FARS2: variants seen among roughly 807,000 people sequenced by gnomAD.
The protein encoded by FARS2 is phenylalanine--tRNA ligase, mitochondrial.
In FARS2, 40 loss-of-function variants were observed where a neutral mutation model predicts 46.4. The observed-to-expected ratio is 0.86, with a 90% CI of 0.67 to 1.12. The LOEUF is 1.12. FARS2 is among the 50% of genes most tolerant of loss of function. The probability of loss-of-function intolerance (pLI) is 0.00; values close to 1 mark genes in which losing one functional copy is unlikely to be tolerated. For missense variants in FARS2, 513 were observed against 567.9 expected (o/e 0.90, Z 0.98); for synonymous variants, 234 against 214.9 (o/e 1.09, Z -0.78).
chr6:5,581,958 T>C (rs563250786), intron 5 of FARS2, among the ~76,000 whole-genome samples: 7 of 126,374 alleles, frequency 5.5e-5, no homozygotes, highest in Non-Finnish European at 8.5e-5. Flanking sequence ...ATTCCTGATG[T>C]GCTTTTATAA....
intron 4 of FARS2, among the ~76,000 whole-genome samples, chr6:5,533,795 T>TA (rs1474873338): frequency 1.3e-5 from 2 of 152,210 alleles, no homozygotes; most frequent in African/African-American, 2.4e-5. Flanking sequence ...GGAAGACCGT[T>TA]ACCCCGGACA....
At chr6:5,405,014 T>C (rs1221238746) in intron 3 of FARS2, among the ~76,000 whole-genome samples, 1 of 151,914 alleles carries the variant, frequency 6.6e-6, no homozygotes. Context: ...GGCCAAGCTA[T>C]TCTCAAACCC....
chr6:5,550,295 G>T (rs1771295098), intron 5 of FARS2, among the ~76,000 whole-genome samples: 1 of 151,960 alleles, frequency 6.6e-6, no homozygotes, highest in Non-Finnish European at 1.5e-5. Context: ...ATTTATTTAT[G>T]AGGCCAGGTC....
At chr6:5,747,322 A>G (rs1761702233) in intron 6 of FARS2, among the ~76,000 whole-genome samples, 1 of 152,216 alleles carries the variant, frequency 6.6e-6, no homozygotes, top group Admixed American at 6.5e-5. Flanking sequence ...TAGCAGCATT[A>G]CTTTGGCTGC....
chr6:5,253,885 C>T, the FARS2 span, among the ~76,000 whole-genome samples: 1 of 150,460 alleles, frequency 6.6e-6, no homozygotes, highest in African/African-American at 2.4e-5. Context: ...TTATTCCATG[C>T]AACAATGAAC....
chr6:5,271,501 TTTTA>T (rs1256446323), intron 1 of FARS2, among the ~76,000 whole-genome samples: 1 of 152,144 alleles, frequency 6.6e-6, no homozygotes, highest in African/African-American at 2.4e-5. Flanking sequence ...AGTTATATTT[TTTTA>T]TTTGATTAAT....
At chr6:5,533,392 G>T (rs1769986165) in intron 4 of FARS2, among the ~76,000 whole-genome samples, 1 of 152,186 alleles carries the variant, frequency 6.6e-6, no homozygotes, top group African/African-American at 2.4e-5. Context: ...CTTAAAGTAT[G>T]AAATTCTTCG....
intron 6 of FARS2, among the ~76,000 whole-genome samples, chr6:5,619,051 G>A (rs1775627306): frequency 6.6e-6 from 1 of 152,184 alleles, no homozygotes; most frequent in South Asian, 2.1e-4. Flanking sequence ...CAGTTGCTCA[G>A]AATATTTCTT....
chr6:5,485,396 C>T (rs1226467630), intron 4 of FARS2, among the ~76,000 whole-genome samples: 1 of 152,026 alleles, frequency 6.6e-6, no homozygotes, highest in Non-Finnish European at 1.5e-5. Context: ...TTCTCTTAGG[C>T]TTGCTTGATC....
intron 6 of FARS2, among the ~76,000 whole-genome samples, chr6:5,710,896 C>G (rs1398274979): frequency 6.6e-6 from 1 of 152,158 alleles, no homozygotes; most frequent in Non-Finnish European, 1.5e-5. Context: ...GGAGGATGAA[C>G]TTTGGGTATG....
intron 6 of FARS2, among the ~76,000 whole-genome samples, chr6:5,732,647 C>T (rs949088946): frequency 7.2e-5 from 11 of 152,168 alleles, no homozygotes; most frequent in Admixed American, 2.6e-4. Context: ...AGGGGCGGAG[C>T]CCGGGAGCAA....
chr6:5,730,149 T>C (rs1412916431), intron 6 of FARS2, among the ~76,000 whole-genome samples: 1 of 152,262 alleles, frequency 6.6e-6, no homozygotes. Flanking sequence ...TTTATTCACC[T>C]ATCTGCTTAC....
intron 6 of FARS2, among the ~76,000 whole-genome samples, chr6:5,717,662 G>A (rs1029854511): frequency 1.3e-5 from 2 of 151,874 alleles, no homozygotes; most frequent in South Asian, 2.1e-4. Flanking sequence ...CTCCTTTCAT[G>A]CTATTGAGAT....
At chr6:5,671,202 C>A (rs1241674320) in intron 6 of FARS2, among the ~76,000 whole-genome samples, 3 of 152,330 alleles carry the variant, frequency 2.0e-5, no homozygotes, top group African/African-American at 7.2e-5. Flanking sequence ...GGGCCTGTTG[C>A]TGGCCAGAAG....
At chr6:5,494,881 G>A (rs1034592241) in intron 4 of FARS2, among the ~76,000 whole-genome samples, 35 of 152,316 alleles carry the variant, frequency 2.3e-4, no homozygotes, top group African/African-American at 8.4e-4. Flanking sequence ...TGAGGAAAAA[G>A]CAATCGAAAA....
At chr6:5,519,535 A>G (rs17140752) in intron 4 of FARS2, among the ~76,000 whole-genome samples, 2,748 of 113,656 alleles carry the variant, frequency 0.024, 68 homozygotes, top group African/African-American at 0.083. Flanking sequence ...TCATGATTTT[A>G]GACAGACTGC....
intron 1 of FARS2, among the ~76,000 whole-genome samples, chr6:5,360,218 A>G (rs371496772): frequency 6.6e-6 from 1 of 152,200 alleles, no homozygotes; most frequent in Non-Finnish European, 1.5e-5. Flanking sequence ...GAATGGTACT[A>G]TGCAACTTGT....
intron 3 of FARS2, among the ~76,000 whole-genome samples, chr6:5,427,246 T>C (rs115027996): frequency 6.6e-6 from 1 of 152,178 alleles, no homozygotes; most frequent in Non-Finnish European, 1.5e-5. Flanking sequence ...TCTCACCGTA[T>C]ACAAACCCAA....
At chr6:5,309,866 G>C (rs1276190860) in intron 1 of FARS2, among the ~76,000 whole-genome samples, 1 of 152,128 alleles carries the variant, frequency 6.6e-6, no homozygotes, top group Non-Finnish European at 1.5e-5. Context: ...AATTCATCTG[G>C]AAAAATCAAA....
Sources: gnomAD v4.1 joint callset for allele counts (sites outside exome capture counted in the v4.1 genomes callset) on GRCh38, gnomAD v4.1.1 for gene constraint, MANE v1.5 for transcripts, NCBI Gene and HGNC (gene_info 2026-07-23, HGNC 2026-07-21) for gene names.